SIMC1: variants seen among roughly 807,000 people sequenced by gnomAD.
SIMC1 encodes the protein SUMO-interacting motif-containing protein 1.
SIMC1 carries 55 observed loss-of-function variants against 82.3 expected under a neutral mutation model. The observed-to-expected ratio is 0.67, with a 90% CI of 0.54 to 0.84. The LOEUF is 0.84. SIMC1 is among the 40% of genes least tolerant of loss of function. The pLI is 0.00. For missense variants in SIMC1, 915 were observed against 1,107.2 expected (o/e 0.83, Z 2.46); for synonymous variants, 353 against 426.3 (o/e 0.83, Z 2.12).
intron 1 of SIMC1, among the ~76,000 whole-genome samples, chr5:176,276,580 A>G (rs1281223900): frequency 1.4e-5 from 2 of 137,978 alleles, no homozygotes; most frequent in South Asian, 2.5e-4. Flanking sequence ...TATATCTCCC[A>G]ATGCTATCCC....
chr5:176,271,401 A>G (rs1425634990), intron 1 of SIMC1, among the ~76,000 whole-genome samples: 1 of 152,168 alleles, frequency 6.6e-6, no homozygotes, highest in African/African-American at 2.4e-5. Context: ...GTAGACCTAT[A>G]TCCAGTAAAG....
intron 4 of SIMC1, among the ~76,000 whole-genome samples, chr5:176,310,916 G>A (rs1185064730): frequency 6.6e-6 from 1 of 152,112 alleles, no homozygotes; most frequent in African/African-American, 2.4e-5. Context: ...AGCTATTGAT[G>A]CATACCATTA....
At chr5:176,270,973 C>T (rs1762399942) in intron 1 of SIMC1, among the ~76,000 whole-genome samples, 1 of 152,120 alleles carries the variant, frequency 6.6e-6, no homozygotes, top group South Asian at 2.1e-4. Context: ...GGGGTCCACA[C>T]GATCTAGTGA....
intron 1 of SIMC1, among the ~76,000 whole-genome samples, chr5:176,259,235 G>A (rs1761939938): frequency 6.6e-6 from 1 of 152,226 alleles, no homozygotes; most frequent in African/African-American, 2.4e-5. Context: ...GGGAGGCTGA[G>A]GTGGACAGAT....
At chr5:176,309,129 A>G (rs1292572662) in intron 4 of SIMC1, 7 of 630,848 alleles carry the variant, frequency 1.1e-5, no homozygotes, top group Non-Finnish European at 2.0e-5. Flanking sequence ...AAGACTTACT[A>G]TAAAGCTGTA....
In SIMC1 at chr5:176,283,503, C is replaced by G. The variant is rs530764385; in HGVS notation, c.130-6151C>G. On this transcript the variant is annotated intron_variant, in intron 1 of 9. Transcript: ENST00000429602. ...AGATTTTGTCACCACCAGGCCTGCC[C>G]TACAAGAGCTCCTGAAGGAAGCACT... 3.7e-3 allele frequency among the ~76,000 whole-genome samples: 567 copies of G among 152,290 alleles called. 4 individuals carry two copies. Among genetic ancestry groups the G allele is most frequent in the Non-Finnish European group, 4.9e-3 (333 of 68,026 alleles).
intron 4 of SIMC1, chr5:176,304,426 T>A: frequency 5.6e-6 from 1 of 177,196 alleles, no homozygotes; most frequent in South Asian, 9.2e-5. Context: ...TAACCGCGAG[T>A]GATCTGCCAA....
At chr5:176,345,142 A>T in intron 9 of SIMC1, 41 bp from the exon 10 acceptor site, 1 of 1,574,548 alleles carries the variant, frequency 6.4e-7, no homozygotes. Flanking sequence ...AGAATTAAAA[A>T]GCAGTTCAGA....
At chr5:176,270,217 A>G (rs1183639289) in intron 1 of SIMC1, 2 of 152,010 alleles carry the variant, frequency 1.3e-5, no homozygotes, top group East Asian at 3.9e-4. Context: ...TAGAACAAAA[A>G]ATCATCATCA....
intron 4 of SIMC1, chr5:176,309,101 C>T: frequency 3.0e-6 from 2 of 671,430 alleles, no homozygotes; most frequent in Admixed American, 2.5e-5. Flanking sequence ...ACTTGGAGGA[C>T]TCACATTACC....
At chr5:176,301,702 C>A (rs1483657625) in intron 4 of SIMC1, among the ~76,000 whole-genome samples, 2 of 151,770 alleles carry the variant, frequency 1.3e-5, no homozygotes, top group Non-Finnish European at 2.9e-5. Flanking sequence ...TCACCTGAAC[C>A]CGGGAGGCAG....
chr5:176,281,701 C>A (rs1219349959), intron 1 of SIMC1, among the ~76,000 whole-genome samples: 2 of 152,138 alleles, frequency 1.3e-5, no homozygotes, highest in Non-Finnish European at 2.9e-5. Flanking sequence ...CACTCCAGAC[C>A]CTGTTTGCCT....
intron 1 of SIMC1, among the ~76,000 whole-genome samples, chr5:176,288,423 G>GAATGAATGAATA (rs1554109230): frequency 5.9e-4 from 75 of 126,800 alleles, no homozygotes; most frequent in East Asian, 3.0e-3. Flanking sequence ...ATGAATGAAT[G>GAATGAATGAATA]AATAAATAAA....
At position 176,269,311 on chromosome 5, in the gene SIMC1, C is replaced by T. The variant is rs71591823; in HGVS notation, c.130-20343C>T. Reference sequence around the variant, plus strand: ...TGATCAGGGATTTAAAAAATGTTACCAATATTGGGGATAAAAATAGGAATT... The same window carrying T: ...TGATCAGGGATTTAAAAAATGTTACTAATATTGGGGATAAAAATAGGAATT... On this transcript the variant is annotated intron_variant, in intron 1 of 9. Coordinates refer to ENST00000429602, the MANE Select transcript of SIMC1 (RefSeq NM_001308195.2). Among the ~76,000 whole-genome samples the T allele has an allele frequency of 6.7e-3, 1,018 of 151,898 alleles. 3 individuals carry two copies. The highest frequency in any genetic ancestry group is 0.038 in the Middle Eastern group (11 of 292).
rs781084271 is a variant in SIMC1, at chr5:176,253,862, GT to G, written c.129+15229del. Among the ~76,000 whole-genome samples, 171 of 152,284 alleles carry G rather than the reference GT, an allele frequency of 1.1e-3. 1 individual carries two copies. Among genetic ancestry groups the G allele is most frequent in the Non-Finnish European group, 2.9e-4 (20 of 68,024 alleles). ...AATGATAATCTCGGTTTGTGTAATAGTTTTCAGCCATGAACCTAGGATTCAA... is the reference window on the plus strand; with the variant it reads ...AATGATAATCTCGGTTTGTGTAATAGTTTCAGCCATGAACCTAGGATTCAA... On this transcript the variant is annotated intron_variant, in intron 1 of 9. Transcript: ENST00000429602.
chr5:176,337,175 A>C (rs778863136), intron 9 of SIMC1, 29 bp downstream of exon 9: 8 of 1,575,856 alleles, frequency 5.1e-6, no homozygotes, highest in Middle Eastern at 3.3e-4. Flanking sequence ...CAAGTGGAGT[A>C]GTGGAAGGTC....
rs1334544686 is a variant in SIMC1 at position 176,324,860 on chromosome 5, G to A, written c.2171+103G>A. 9.2e-6 allele frequency: 12 copies of A among 1,304,584 alleles called. No homozygotes were observed. The East Asian group carries it at 2.6e-4, about 28-fold the overall frequency. 80.8% of individuals were successfully genotyped at this position (1,304,584 alleles called of 1,614,324 possible). A position where few individuals can be genotyped will look rare whatever the true frequency, so the allele number is the denominator to read the frequency against. On this transcript the variant is annotated intron_variant, in intron 7 of 9. Coordinates refer to ENST00000429602, the MANE Select transcript of SIMC1 (RefSeq NM_001308195.2). Reference sequence around the variant, plus strand: ...ATTAACTTTTCTATCTATGCTACCTGTCAGGAACAGAATTTTACAAGAGAA... The same window carrying A: ...ATTAACTTTTCTATCTATGCTACCTATCAGGAACAGAATTTTACAAGAGAA...
At chr5:176,281,814 C>T (rs757205846) in intron 1 of SIMC1, among the ~76,000 whole-genome samples, 7 of 152,152 alleles carry the variant, frequency 4.6e-5, no homozygotes, top group East Asian at 1.9e-4. Context: ...AGTACCCGGC[C>T]GTGTGAGGTG....
intron 4 of SIMC1, among the ~76,000 whole-genome samples, chr5:176,304,678 T>C (rs1414291051): frequency 4.1e-5 from 6 of 146,300 alleles, no homozygotes; most frequent in Non-Finnish European, 7.6e-5. Flanking sequence ...CCCCTCTGCC[T>C]GGCTGCCCAG....
Sources: allele counts gnomAD v4.1 joint callset (sites outside exome capture counted in the v4.1 genomes callset), GRCh38; gene constraint gnomAD v4.1.1; transcripts MANE v1.5; gene names NCBI Gene and HGNC (gene_info 2026-07-23, HGNC 2026-07-21).